GALNTL6: variants seen among roughly 807,000 people sequenced by gnomAD.
GALNTL6 encodes the protein polypeptide N-acetylgalactosaminyltransferase-like 6.
In GALNTL6, 46 loss-of-function variants were observed where a neutral mutation model predicts 73.7. The ratio of observed to expected loss-of-function variants is 0.62; its 90% confidence interval spans 0.49 to 0.80. The LOEUF is 0.80. GALNTL6 is among the 30% of genes least tolerant of loss of function. GALNTL6 has a pLI of 0.00. For missense variants in GALNTL6, 604 were observed against 755.0 expected (o/e 0.80, Z 2.34); for synonymous variants, 259 against 263.7 (o/e 0.98, Z 0.17).
rs57581185 is a variant in GALNTL6, at chr4:172,467,806, T to TTTTCTTTCTTTCTTTC, written c.553+119162_553+119177dup. ...TGTTGAGAGATAAAAGCATTTTACA[T>TTTTCTTTCTTTCTTTC]TTTCTTTCTTTCTTTCTTTCTTTCT... is the stretch of plus-strand genomic sequence containing the variant. On this transcript the variant is annotated intron_variant, in intron 5 of 12. Transcript: ENST00000506823. 1.9e-3 allele frequency among the ~76,000 whole-genome samples: 233 copies of TTTTCTTTCTTTCTTTC among 121,846 alleles called. 2 individuals are homozygous for TTTTCTTTCTTTCTTTC. Among genetic ancestry groups the TTTTCTTTCTTTCTTTC allele is most frequent in the East Asian group, 4.3e-3 (18 of 4,150 alleles). 79.9% of individuals were successfully genotyped at this position (121,846 alleles called of 152,430 possible). A position where few individuals can be genotyped will look rare whatever the true frequency, so the allele number is the denominator to read the frequency against.
intron 5 of GALNTL6, among the ~76,000 whole-genome samples, chr4:172,696,472 C>A (rs898185038): frequency 2.6e-5 from 4 of 152,078 alleles, no homozygotes; most frequent in Non-Finnish European, 5.9e-5. Flanking sequence ...CTATGTCCCC[C>A]ACTAATCTCA....
At chr4:171,835,030 G>T (rs756436743) in intron 2 of GALNTL6, among the ~76,000 whole-genome samples, 8 of 151,626 alleles carry the variant, frequency 5.3e-5, no homozygotes, top group Non-Finnish European at 7.4e-5. Context: ...CTTATTGACA[G>T]ACAAAGAACA....
chr4:172,993,982 G>A (rs115940035), intron 10 of GALNTL6, among the ~76,000 whole-genome samples: 356 of 152,148 alleles, frequency 2.3e-3, no homozygotes, highest in African/African-American at 8.0e-3. Context: ...ATCACAGTCC[G>A]ACCAAACCCC....
chr4:172,179,324 C>T (rs547068675), intron 2 of GALNTL6, among the ~76,000 whole-genome samples: 22 of 150,626 alleles, frequency 1.5e-4, no homozygotes, highest in Non-Finnish European at 2.5e-4. Flanking sequence ...CCTGTTGTTT[C>T]CTGACTTTTT....
chr4:171,939,503 C>T (rs1738457315), intron 2 of GALNTL6, among the ~76,000 whole-genome samples: 2 of 151,716 alleles, frequency 1.3e-5, no homozygotes, highest in Admixed American at 6.6e-5. Flanking sequence ...CTAGTAAATG[C>T]ATCCAGTGAA....
At chr4:172,291,935 A>G (rs909470824) in intron 3 of GALNTL6, among the ~76,000 whole-genome samples, 2 of 152,196 alleles carry the variant, frequency 1.3e-5, no homozygotes, top group African/African-American at 4.8e-5. Flanking sequence ...ATAGTTAGGG[A>G]TGATTTCTAA....
In GALNTL6 at chr4:172,915,469, C is replaced by T. The variant is rs558656520; in HGVS notation, c.1042-15692C>T. Among the ~76,000 whole-genome samples the T allele has an allele frequency of 5.9e-5, 9 of 151,734 alleles. No individual in the cohort carries two copies. In the East Asian group the frequency reaches 7.7e-4, roughly 13 times the overall value. On this transcript the variant is annotated intron_variant, in intron 8 of 12. Transcript: ENST00000506823. ...TCAATGAATCCAGCAGCTGGTTTTT[C>T]GAAAAGATCAACAAAATAGATAGAT...
At chr4:172,705,140 T>A (rs1390313697) in intron 5 of GALNTL6, among the ~76,000 whole-genome samples, 1 of 151,890 alleles carries the variant, frequency 6.6e-6, no homozygotes, top group Non-Finnish European at 1.5e-5. Context: ...CACCCACCCT[T>A]TATCTTTTAA....
intron 8 of GALNTL6, among the ~76,000 whole-genome samples, chr4:172,898,444 G>T (rs1434640681): frequency 1.4e-5 from 2 of 148,066 alleles, no homozygotes; most frequent in African/African-American, 5.0e-5. Context: ...TATCAAGATG[G>T]TATTTAAAAA....
intron 5 of GALNTL6, among the ~76,000 whole-genome samples, chr4:172,590,567 G>T (rs73869550): frequency 6.6e-6 from 1 of 152,094 alleles, no homozygotes; most frequent in Non-Finnish European, 1.5e-5. Context: ...CAAAGACAAA[G>T]CTTTAGATGA....
Position 172,520,683 on chromosome 4 carries a change from T to C in GALNTL6, c.553+171994T>C, listed in dbSNP as rs1734748909. ...GTTATTAGTAATATTTATTTCAAAA[T>C]TAAACTGTTTTCTTAGGGAGGACAA... is the stretch of plus-strand genomic sequence containing the variant. On this transcript the variant is annotated intron_variant, in intron 5 of 12. Coordinates refer to ENST00000506823, the MANE Select transcript of GALNTL6 (RefSeq NM_001034845.3). Among the ~76,000 whole-genome samples, 2 of 152,018 alleles carry C rather than the reference T, an allele frequency of 1.3e-5. 1 individual carries two copies. The highest frequency in any genetic ancestry group is 4.1e-4 in the South Asian group (2 of 4,826).
At chr4:171,917,972 A>C (rs1245894566) in intron 2 of GALNTL6, among the ~76,000 whole-genome samples, 1 of 152,064 alleles carries the variant, frequency 6.6e-6, no homozygotes, top group Non-Finnish European at 1.5e-5. Context: ...TTTTTGTATC[A>C]CCAAAAGCAT....
chr4:172,370,763 G>T (rs10017948), intron 5 of GALNTL6, among the ~76,000 whole-genome samples: 2 of 151,788 alleles, frequency 1.3e-5, no homozygotes, highest in Admixed American at 1.3e-4. Context: ...CCCTAAGAAG[G>T]TACAAAGTCC....
intron 3 of GALNTL6, among the ~76,000 whole-genome samples, chr4:172,292,777 T>C (rs1739519171): frequency 6.6e-6 from 1 of 152,158 alleles, no homozygotes; most frequent in Admixed American, 6.6e-5. Flanking sequence ...TTAATAGTTA[T>C]CCTTTAAGAA....
chr4:171,864,121 T>C (rs2110883581), intron 2 of GALNTL6, among the ~76,000 whole-genome samples: 1 of 152,334 alleles, frequency 6.6e-6, no homozygotes, highest in East Asian at 1.9e-4. Flanking sequence ...TAGTTTGTTT[T>C]GTTGATTATT....
At chr4:172,762,783 C>CAAAAA (rs140987178) in intron 5 of GALNTL6, among the ~76,000 whole-genome samples, 1 of 139,784 alleles carries the variant, frequency 7.2e-6, no homozygotes, top group African/African-American at 2.6e-5. Flanking sequence ...CAGATTCACT[C>CAAAAA]AAAAAAAAAA....
At chr4:172,807,199 C>A (rs143884913) in intron 5 of GALNTL6, among the ~76,000 whole-genome samples, 25 of 152,276 alleles carry the variant, frequency 1.6e-4, no homozygotes, top group African/African-American at 5.5e-4. Context: ...GAGCACTGAG[C>A]AGAGGGGCAG....
chr4:172,326,900 A>G (rs1026177837), intron 4 of GALNTL6, among the ~76,000 whole-genome samples: 2 of 151,954 alleles, frequency 1.3e-5, no homozygotes, highest in African/African-American at 4.8e-5. Flanking sequence ...ATCTATCTTT[A>G]AACAATGTTA....
At chr4:172,438,508 A>G (rs1479869541) in intron 5 of GALNTL6, among the ~76,000 whole-genome samples, 1 of 151,854 alleles carries the variant, frequency 6.6e-6, no homozygotes, top group East Asian at 1.9e-4. Context: ...TAAATTCTTC[A>G]ATTCATCATT....
Sources: allele counts gnomAD v4.1 joint callset (sites outside exome capture counted in the v4.1 genomes callset), GRCh38; gene constraint gnomAD v4.1.1; transcripts MANE v1.5; gene names NCBI Gene and HGNC (gene_info 2026-07-23, HGNC 2026-07-21).